Variants in TOX2 observed in about 807,000 individuals in gnomAD.
The protein encoded by TOX2 is TOX high mobility group box family member 2, also known as granulosa cell HMG box 1.
Under a neutral mutation model 47.4 loss-of-function variants are expected in TOX2, and 15 were observed. The ratio of observed to expected loss-of-function variants is 0.32; its 90% CI spans 0.21 to 0.49. The LOEUF (loss-of-function observed/expected upper bound fraction) is 0.49. Ranked by LOEUF, TOX2 falls within the 20% of genes least tolerant of loss-of-function variation. The pLI, the probability that TOX2 is intolerant of heterozygous loss-of-function variation, is 0.99. For synonymous variants in TOX2, 290 were observed against 296.6 expected (o/e 0.98, Z 0.23); for missense variants, 622 against 673.1 (o/e 0.92, Z 0.84).
chr20:44,039,295 C>T (rs2071294816), intron 3 of TOX2: 1 of 1,289,290 alleles, frequency 7.8e-7, no homozygotes, highest in African/African-American at 1.5e-5. Flanking sequence ...CACATGTCCC[C>T]AGGGAGCTCT....
rs1020709000 is a variant in TOX2 at position 44,025,172 on chromosome 20, A to G, written c.411+18380A>G. ...TTTTTTAAAAAATTTTATTATTATT[A>G]TATTTTGAGGGTGGGATCTCAGGAG... On this transcript the variant is annotated intron_variant, in intron 3 of 8. Coordinates refer to ENST00000341197, the MANE Select transcript of TOX2 (RefSeq NM_001098797.2). Among the ~76,000 whole-genome samples, 3 of 151,978 alleles carry G rather than the reference A, an allele frequency of 2.0e-5. No homozygotes were observed. The East Asian group carries it at 5.8e-4, about 29-fold the overall frequency.
chr20:43,953,412 T>C (rs1231247291), intron 1 of TOX2, among the ~76,000 whole-genome samples: 1 of 152,174 alleles, frequency 6.6e-6, no homozygotes, highest in Non-Finnish European at 1.5e-5. Context: ...CTGTCTGTCA[T>C]CACGTTCATG....
At position 44,069,162 on chromosome 20, in the gene TOX2, G is replaced by A. The variant is rs191533059; in HGVS notation, c.*476G>A. ...AGAAACTGTTGGTTCCGTGTAAGTA[G>A]TTGACTACGTGTTTTAGAACTGTGC... On this transcript the variant is annotated 3_prime_UTR_variant, in exon 9 of 9. Transcript: ENST00000341197. The A allele has an allele frequency of 5.4e-4, 185 of 344,680 alleles. No homozygotes were observed. Among genetic ancestry groups the A allele is most frequent in the African/African-American group, 3.4e-3 (160 of 46,800 alleles). The allele number at this position is 344,680 out of a possible 1,614,324, so 21.4% of individuals were successfully genotyped here.
At chr20:44,043,781 A>C (rs2071371764) in intron 3 of TOX2, among the ~76,000 whole-genome samples, 1 of 152,228 alleles carries the variant, frequency 6.6e-6, no homozygotes, top group Non-Finnish European at 1.5e-5. Context: ...GCATGCCAAA[A>C]ATTTATTTAA....
intron 3 of TOX2, among the ~76,000 whole-genome samples, chr20:44,032,905 C>T (rs2071179225): frequency 6.6e-6 from 1 of 152,232 alleles, no homozygotes; most frequent in African/African-American, 2.4e-5. Flanking sequence ...TCAGTATCAC[C>T]AGGAATGGGG....
In TOX2 at chr20:44,068,672, C is replaced by A; in HGVS notation, c.1507C>A (p.Leu503Ile). 6.2e-7 allele frequency: 1 copy of A among 1,613,892 alleles called. No homozygotes were observed. Among genetic ancestry groups the A allele is most frequent in the African/African-American group, 1.3e-5 (1 of 75,026 alleles). The change falls in exon 9 of 9, where the codon CTC (leucine) becomes ATC (isoleucine). Residue 503 changes from leucine to isoleucine, a missense_variant. Around this residue, in one of 3 missense-constraint regions of TOX2, gnomAD observed 294 missense variants for 300.0 expected, o/e 0.98. Coordinates refer to ENST00000341197, the MANE Select transcript of TOX2 (RefSeq NM_001098797.2). ...TCSLLPRDKS[L>I]YLT ...CAGCCTGCTCCCCAGGGACAAATCG[C>A]TCTACCTCACCTAATCCCGCCTCCC...
At chr20:44,013,781 G>T (rs1398954282) in intron 3 of TOX2, among the ~76,000 whole-genome samples, 2 of 151,958 alleles carry the variant, frequency 1.3e-5, no homozygotes, top group African/African-American at 4.8e-5. Context: ...CTTGGCCCAG[G>T]GTCAGCTGAC....
chr20:43,953,968 G>A (rs1255029685), intron 1 of TOX2, among the ~76,000 whole-genome samples: 1 of 152,158 alleles, frequency 6.6e-6, no homozygotes, highest in African/African-American at 2.4e-5. Context: ...GGAGAAAGCT[G>A]AGACTCAAAG....
chr20:43,972,874 G>C (rs2070001278), intron 1 of TOX2, among the ~76,000 whole-genome samples: 1 of 152,252 alleles, frequency 6.6e-6, no homozygotes, highest in Non-Finnish European at 1.5e-5. Flanking sequence ...GGATGGCATA[G>C]GTGATGGGCC....
Position 43,964,022 on chromosome 20 carries a change from C to T in TOX2, c.100-9345C>T, listed in dbSNP as rs564651066. On this transcript the variant is annotated intron_variant, in intron 1 of 8. Coordinates refer to ENST00000341197, the MANE Select transcript of TOX2 (RefSeq NM_001098797.2). ...GGTAGGCAATGTTCTAAGCACTTTC[C>T]GTATATTTATTTAATCCAAATGATA... Among the ~76,000 whole-genome samples, 8 of 151,868 alleles carry T rather than the reference C, an allele frequency of 5.3e-5. No homozygotes were observed. The South Asian group carries it at 6.2e-4, about 12-fold the overall frequency.
chr20:44,028,506 A>G (rs2071099523), intron 3 of TOX2, among the ~76,000 whole-genome samples: 1 of 152,194 alleles, frequency 6.6e-6, no homozygotes, highest in Non-Finnish European at 1.5e-5. Flanking sequence ...CATCAGGATC[A>G]CTCACGCACT....
intron 1 of TOX2, among the ~76,000 whole-genome samples, chr20:43,930,453 G>A (rs2069237642): frequency 6.6e-6 from 1 of 152,202 alleles, no homozygotes; most frequent in African/African-American, 2.4e-5. Flanking sequence ...TGACTCAAGA[G>A]GGATGATGTT....
At chr20:44,003,962 G>A (rs749992545) in intron 2 of TOX2, among the ~76,000 whole-genome samples, 4 of 152,216 alleles carry the variant, frequency 2.6e-5, no homozygotes, top group Non-Finnish European at 5.9e-5. Context: ...GACCAGTCTG[G>A]CTACAGAAAG....
intron 1 of TOX2, among the ~76,000 whole-genome samples, chr20:43,932,530 C>T (rs1379777017): frequency 1.3e-5 from 2 of 152,210 alleles, no homozygotes; most frequent in Admixed American, 1.3e-4. Flanking sequence ...GAACCGCTTC[C>T]CTCCTCAGGC....
chr20:44,019,671 G>T (rs1466887580), intron 3 of TOX2, among the ~76,000 whole-genome samples: 1 of 152,198 alleles, frequency 6.6e-6, no homozygotes, highest in Non-Finnish European at 1.5e-5. Context: ...GGACTGGGAT[G>T]CTGGAGCCCT....
chr20:44,030,764 G>T (rs1470694328), intron 3 of TOX2, among the ~76,000 whole-genome samples: 1 of 152,176 alleles, frequency 6.6e-6, no homozygotes, highest in South Asian at 2.1e-4. Context: ...AGATGTGCCT[G>T]CTATAAAGTG....
At chr20:43,967,501 C>T (rs952275894) in intron 1 of TOX2, among the ~76,000 whole-genome samples, 2 of 152,106 alleles carry the variant, frequency 1.3e-5, no homozygotes, top group African/African-American at 2.4e-5. Context: ...GGCATCTATC[C>T]ACGCATCCCC....
rs191122474 is a variant in TOX2, at chr20:44,059,693, C to A, written c.880-5084C>A. On this transcript the variant is annotated intron_variant, in intron 5 of 8. Coordinates refer to ENST00000341197, the MANE Select transcript of TOX2 (RefSeq NM_001098797.2). ...TAAGCTTCATTACAGTTCTTTTTTT[C>A]AAAGCAATGCTGAGAGAATTTGCCA... Among the ~76,000 whole-genome samples the A allele has an allele frequency of 1.1e-3, 173 of 152,086 alleles. 1 individual carries two copies. Among genetic ancestry groups the A allele is most frequent in the Admixed American group, 2.8e-3 (43 of 15,268 alleles).
intron 1 of TOX2, among the ~76,000 whole-genome samples, chr20:43,922,782 C>T (rs979615742): frequency 6.6e-6 from 1 of 152,156 alleles, no homozygotes; most frequent in Admixed American, 6.5e-5. Context: ...TGTGGTTTTT[C>T]AATATTTAAT....
Sources: allele counts gnomAD v4.1 joint callset (sites outside exome capture counted in the v4.1 genomes callset), GRCh38; gene constraint gnomAD v4.1.1; regional missense constraint gnomAD v4.1.1; transcripts MANE v1.5; gene names NCBI Gene and HGNC (gene_info 2026-07-23, HGNC 2026-07-21).